Variants in ACLY observed in about 807,000 individuals in gnomAD.
ACLY encodes ATP-citrate synthase.
In ACLY, 41 loss-of-function variants were observed where a neutral mutation model predicts 133.0. The observed-to-expected ratio is 0.31, with a 90% CI of 0.24 to 0.40. ACLY has a LOEUF of 0.40. Ranked by LOEUF, ACLY falls within the 10% of genes least tolerant of loss-of-function variation. The probability of loss-of-function intolerance (pLI) is 1.00; values close to 1 mark genes in which losing one functional copy is unlikely to be tolerated. For missense variants in ACLY, 1,046 were observed against 1,453.8 expected (o/e 0.72, Z 4.56); for synonymous variants, 495 against 549.3 (o/e 0.90, Z 1.38).
intron 22 of ACLY, among the ~76,000 whole-genome samples, chr17:41,876,351 C>T (rs1446692216): frequency 5.9e-5 from 9 of 151,722 alleles, no homozygotes; most frequent in East Asian, 2.0e-4. Context: ...CGCCTCTGCC[C>T]GGCCGCCCCT....
At chr17:41,875,608 G>A (rs1286444562) in intron 22 of ACLY, among the ~76,000 whole-genome samples, 1 of 152,076 alleles carries the variant, frequency 6.6e-6, no homozygotes, top group African/African-American at 2.4e-5. Flanking sequence ...CGCCTGACTG[G>A]TTTTCGTATT....
intron 1 of ACLY, among the ~76,000 whole-genome samples, chr17:41,927,862 C>G (rs781926406): frequency 6.6e-6 from 1 of 151,666 alleles, no homozygotes; most frequent in Non-Finnish European, 1.5e-5. Context: ...TTTAGACAGG[C>G]ATGGTGGCTC....
chr17:41,878,245 G>T, intron 21 of ACLY, 49 bp from the exon 22 acceptor site: 1 of 1,362,936 alleles, frequency 7.3e-7, no homozygotes. Flanking sequence ...CTTATTTTGG[G>T]CTCCTGTAAG....
Position 41,897,753 on chromosome 17 carries a change from T to C in ACLY, c.1425A>G (p.Pro475=), listed in dbSNP as rs782632488. 3 of 1,613,472 alleles carry C rather than the reference T, an allele frequency of 1.9e-6. No individual in the cohort carries two copies. Among genetic ancestry groups the C allele is most frequent in the South Asian group, 1.1e-5 (1 of 90,906 alleles). Reference sequence around the variant, plus strand: ...CCTGAAGCCTCAGGGAGTTACCTTGTGGCATGGCAGGCTTGGCCTTCTTTG... The same window carrying C: ...CCTGAAGCCTCAGGGAGTTACCTTGCGGCATGGCAGGCTTGGCCTTCTTTG... ...APAKKAKPAM[P]QDSVPSPRSL... Residue 475 remains proline (P), a synonymous_variant, in exon 13 of 29, where the codon CCA becomes CCG. Transcript: ENST00000352035.
intron 14 of ACLY, 93 bp from the exon 15 acceptor site, chr17:41,893,267 C>T (rs1555629742): frequency 2.1e-6 from 3 of 1,407,062 alleles, no homozygotes; most frequent in Non-Finnish European, 1.9e-6. Context: ...CTCCACGCCC[C>T]ATGTCCACAG....
At chr17:41,878,330 A>C (rs529244714) in intron 21 of ACLY, 134 bp from the exon 22 acceptor site, 8 of 568,918 alleles carry the variant, frequency 1.4e-5, no homozygotes, top group Non-Finnish European at 2.3e-5. Flanking sequence ...AATTCTGAGA[A>C]CTAAATGAAA....
intron 1 of ACLY, among the ~76,000 whole-genome samples, chr17:41,926,661 G>C (rs561727050): frequency 5.3e-5 from 8 of 151,292 alleles, no homozygotes; most frequent in Admixed American, 5.3e-4. Context: ...GCTAATTTTT[G>C]TATTTTTAGT....
Position 41,910,697 on chromosome 17 carries a change from G to A in ACLY, c.283-413C>T, listed in dbSNP as rs79421856. On this transcript the variant is annotated intron_variant, in intron 3 of 28. Transcript: ENST00000352035. ...TCAGCCTCAGGACATGGGTCCGGGC[G>A]CAGGGAATGGGTGGAGAAGTGGGGA... 3.9e-5 allele frequency among the ~76,000 whole-genome samples: 6 copies of A among 152,326 alleles called. No individual in the cohort carries two copies. The East Asian group carries it at 5.8e-4, about 15-fold the overall frequency.
chr17:41,876,760 C>T (rs987803404), intron 22 of ACLY, among the ~76,000 whole-genome samples: 13 of 152,148 alleles, frequency 8.5e-5, no homozygotes, highest in Non-Finnish European at 1.6e-4. Flanking sequence ...CAAGTACCCA[C>T]GGACACAAAC....
At chr17:41,875,857 C>A (rs1478692323) in intron 22 of ACLY, among the ~76,000 whole-genome samples, 2 of 152,198 alleles carry the variant, frequency 1.3e-5, no homozygotes, top group African/African-American at 2.4e-5. Context: ...CTCTGCCCGG[C>A]CGCCACCCCG....
chr17:41,885,424 G>A (rs1301182344), intron 18 of ACLY, among the ~76,000 whole-genome samples: 1 of 152,126 alleles, frequency 6.6e-6, no homozygotes, highest in African/African-American at 2.4e-5. Flanking sequence ...TTCTAAGCCC[G>A]ACAGCAGTAG....
intron 1 of ACLY, among the ~76,000 whole-genome samples, chr17:41,929,271 T>C (rs2050283937): frequency 6.6e-6 from 1 of 152,006 alleles, no homozygotes; most frequent in Non-Finnish European, 1.5e-5. Flanking sequence ...ACTTTTGTAT[T>C]TGTGGTAGAG....
At chr17:41,896,780 T>C (rs2049380303) in intron 13 of ACLY, 131 bp from the exon 14 acceptor site, 4 of 701,722 alleles carry the variant, frequency 5.7e-6, no homozygotes, top group Non-Finnish European at 6.8e-6. Context: ...ATCCCTCTCC[T>C]GTTCTGCAAT....
chr17:41,869,016 G>T (rs782212007), intron 27 of ACLY, 27 bp downstream of exon 27: 11 of 1,572,954 alleles, frequency 7.0e-6, no homozygotes, highest in South Asian at 6.9e-5. Context: ...CAAACGTAAT[G>T]AAGAAGAAAA....
At chr17:41,881,568 C>T (rs1034977204) in intron 20 of ACLY, among the ~76,000 whole-genome samples, 2 of 152,100 alleles carry the variant, frequency 1.3e-5, no homozygotes, top group African/African-American at 4.8e-5. Context: ...AACAACCTTG[C>T]GGCATGGCAT....
chr17:41,877,856 C>CG (rs1386434826), intron 22 of ACLY, among the ~76,000 whole-genome samples: 8 of 152,122 alleles, frequency 5.3e-5, no homozygotes, highest in African/African-American at 1.7e-4. Context: ...TTTTGGGACT[C>CG]GGACTGGCTC....
At chr17:41,889,524 CAAAAA>C (rs533387140) in intron 16 of ACLY, among the ~76,000 whole-genome samples, 27 of 31,600 alleles carry the variant, frequency 8.5e-4, no homozygotes, top group East Asian at 5.0e-3. Flanking sequence ...CTCCATTTCA[CAAAAA>C]AAAAAAAAAA....
In ACLY at chr17:41,890,451, G is replaced by A. The variant is rs572411873; in HGVS notation, c.1770+1828C>T. 1.1e-3 allele frequency among the ~76,000 whole-genome samples: 159 copies of A among 149,816 alleles called. 1 individual carries two copies. The highest frequency in any genetic ancestry group is 0.01 in the South Asian group (49 of 4,688). ...TGTAATCCCAGCACTTTGGGAGGCCGAGGCGGGCGGATCACGAGGTCGAGA... is the reference window on the plus strand; with the variant it reads ...TGTAATCCCAGCACTTTGGGAGGCCAAGGCGGGCGGATCACGAGGTCGAGA... On this transcript the variant is annotated intron_variant, in intron 16 of 28. Coordinates refer to ENST00000352035, the MANE Select transcript of ACLY (RefSeq NM_001096.3).
Position 41,909,020 on chromosome 17 carries a change from C to G in ACLY, c.585G>C (p.Leu195Phe), listed in dbSNP as rs1185650054. ...GATTGATCTCGAGGTAGGTGAAGTACAAGTCCTCGTAGAAATTGAAGAGGC... is the reference window on the plus strand; with the variant it reads ...GATTGATCTCGAGGTAGGTGAAGTAGAAGTCCTCGTAGAAATTGAAGAGGC... ...ISGLFNFYED[L>F]YFTYLEINPL... The change falls in exon 6 of 29, where the codon TTG (leucine) becomes TTC (phenylalanine). Residue 195 changes from leucine (L) to phenylalanine (F), a missense_variant. By Grantham distance (22) the Leu-to-Phe change is conservative. Transcript: ENST00000352035. The G allele has an allele frequency of 5.0e-6, 8 of 1,613,516 alleles. No homozygotes were observed. In the East Asian group the frequency reaches 1.8e-4, roughly 36 times the overall value.
Sources: gnomAD v4.1 joint callset for allele counts (sites outside exome capture counted in the v4.1 genomes callset) on GRCh38, gnomAD v4.1.1 for gene constraint, MANE v1.5 for transcripts, NCBI Gene and HGNC (gene_info 2026-07-23, HGNC 2026-07-21) for gene names.